Variants in LGALS8 observed in about 807,000 individuals in gnomAD.
The protein encoded by LGALS8 is galectin-8.
A neutral mutation model predicts 35.9 loss-of-function variants in LGALS8; 30 were observed. The observed-to-expected ratio is 0.83, with a 90% CI of 0.62 to 1.13. The LOEUF (loss-of-function observed/expected upper bound fraction) is 1.13. Among genes scored for constraint, LGALS8 ranks in the 50% most tolerant of loss-of-function variants. LGALS8 has a pLI of 0.00. For missense variants in LGALS8, 366 were observed against 388.7 expected (o/e 0.94, Z 0.49); for synonymous variants, 138 against 136.1 (o/e 1.01, Z -0.10).
chr1:236,541,974 G>A (rs1662028823), intron 6 of LGALS8, among the ~76,000 whole-genome samples: 1 of 152,160 alleles, frequency 6.6e-6, no homozygotes, highest in African/African-American at 2.4e-5. Flanking sequence ...GTACTGTTCT[G>A]GGGTATTTCC....
At chr1:236,533,982 G>A (rs140338278) in intron 2 of LGALS8, among the ~76,000 whole-genome samples, 3 of 98,074 alleles carry the variant, frequency 3.1e-5, no homozygotes, top group Admixed American at 1.0e-4. Flanking sequence ...GACCCCGGAT[G>A]TAGCTGCCTT....
rs1360455390 is a variant in LGALS8 at position 236,525,214 on chromosome 1, G to T, written c.-103-754G>T. Among the ~76,000 whole-genome samples the T allele has an allele frequency of 2.0e-5, 3 of 152,238 alleles. No homozygotes were observed. In the South Asian group the frequency reaches 6.2e-4, roughly 32 times the overall value. ...ATTTGTTTAAATTGGAGGAGGAAGAGCAATTCTTTCTATTCACAATAATAA... is the reference window on the plus strand; with the variant it reads ...ATTTGTTTAAATTGGAGGAGGAAGATCAATTCTTTCTATTCACAATAATAA... On this transcript the variant is annotated intron_variant, in intron 1 of 9. Transcript: ENST00000366584.
At position 236,551,376 on chromosome 1, in the gene LGALS8, A is replaced by C; in HGVS notation, c.*3215A>C. ...TTGCTCCACCACCCCTCCCTTAATA[A>C]TAACATTTACTGTTATTTCCTGGGC... On this transcript the variant is annotated 3_prime_UTR_variant, in exon 10 of 10. Transcript: ENST00000366584. 5.7e-6 allele frequency: 1 copy of C among 176,770 alleles called. No homozygotes were observed. Among genetic ancestry groups the C allele is most frequent in the East Asian group, 1.5e-4 (1 of 6,476 alleles). 11.0% of individuals were successfully genotyped at this position (176,770 alleles called of 1,614,324 possible).
Position 236,548,989 on chromosome 1 carries a change from G to T in LGALS8, c.*828G>T, listed in dbSNP as rs1288847439. On this transcript the variant is annotated 3_prime_UTR_variant, in exon 10 of 10. Transcript: ENST00000366584. Reference sequence around the variant, plus strand: ...CACAGACGCCTACAGAAAGTTTCAGGAAGAGGCAAGATGCATTCAATTTGA... The same window carrying T: ...CACAGACGCCTACAGAAAGTTTCAGTAAGAGGCAAGATGCATTCAATTTGA... 1 of 398,518 alleles carries T rather than the reference G, an allele frequency of 2.5e-6. No individual in the cohort carries two copies. Among genetic ancestry groups the T allele is most frequent in the Non-Finnish European group, 4.4e-6 (1 of 226,084 alleles). 24.7% of individuals were successfully genotyped at this position (398,518 alleles called of 1,614,324 possible).
chr1:236,541,182 GT>G (rs1423640615), intron 5 of LGALS8: 2 of 161,378 alleles, frequency 1.2e-5, no homozygotes, highest in African/African-American at 4.8e-5. Flanking sequence ...ATTTGGTACA[GT>G]GCCTGCTGTA....
chr1:236,533,891 G>A (rs1661293291), intron 2 of LGALS8, among the ~76,000 whole-genome samples: 1 of 152,120 alleles, frequency 6.6e-6, no homozygotes, highest in Admixed American at 6.5e-5. Flanking sequence ...CTCTACCAAT[G>A]CCACTGCTGT....
intron 9 of LGALS8, among the ~76,000 whole-genome samples, chr1:236,546,185 A>G (rs2794783): frequency 0.61 from 92,945 of 152,128 alleles, 29,296 homozygotes; most frequent in Non-Finnish European, 0.69. Context: ...CATTCCAGGC[A>G]TTTTTTTGCA....
chr1:236,552,049 T>C lies in LGALS8; in HGVS notation c.*3888T>C. On this transcript the variant is annotated 3_prime_UTR_variant, in exon 10 of 10. Coordinates refer to ENST00000366584, the MANE Select transcript of LGALS8 (RefSeq NM_201544.4). ...AATGGATTCTGGTAGCAAGACAATATAATTCTCCTTTAGTTTTTCAGCCAG... is the reference window on the plus strand; with the variant it reads ...AATGGATTCTGGTAGCAAGACAATACAATTCTCCTTTAGTTTTTCAGCCAG... The C allele has an allele frequency of 6.2e-7, 1 of 1,613,772 alleles. No individual in the cohort carries two copies. The highest frequency in any genetic ancestry group is 8.5e-7 in the Non-Finnish European group (1 of 1,179,814).
rs374445743 is a variant in LGALS8, at chr1:236,541,647, T to C, written c.466-7T>C. On this transcript the variant is annotated splice_polypyrimidine_tract_variant and splice_region_variant and intron_variant, in intron 5 of 9. Coordinates refer to ENST00000366584, the MANE Select transcript of LGALS8 (RefSeq NM_201544.4). Reference sequence around the variant, plus strand: ...GTTACAAATTAATCTTTATTATCTTTTCTCAGGACTTACAAAGTACCCAAG... The same window carrying C: ...GTTACAAATTAATCTTTATTATCTTCTCTCAGGACTTACAAAGTACCCAAG... The C allele has an allele frequency of 8.3e-6, 12 of 1,438,148 alleles. No homozygotes were observed. The African/African-American group carries it at 1.7e-4, about 21-fold the overall frequency. 89.1% of individuals were successfully genotyped at this position (1,438,148 alleles called of 1,614,324 possible).
At chr1:236,531,474 C>T (rs1661142566) in intron 2 of LGALS8, among the ~76,000 whole-genome samples, 1 of 152,098 alleles carries the variant, frequency 6.6e-6, no homozygotes, top group African/African-American at 2.4e-5. Context: ...CAGGCGCCCG[C>T]CACCCACGCC....
At chr1:236,528,401 C>CA (rs1660944971) in intron 2 of LGALS8, among the ~76,000 whole-genome samples, 4 of 141,824 alleles carry the variant, frequency 2.8e-5, no homozygotes, top group Non-Finnish European at 4.7e-5. Context: ...AAAACCCCCC[C>CA]ACACACAAAA....
At position 236,550,822 on chromosome 1, in the gene LGALS8, C is replaced by T; in HGVS notation, c.*2661C>T. On this transcript the variant is annotated 3_prime_UTR_variant, in exon 10 of 10. Transcript: ENST00000366584. ...AGGTGTATTAAGGCACCAAAAGTAACATGGCACCCAACACCCAAAAATAAA... is the reference window on the plus strand; with the variant it reads ...AGGTGTATTAAGGCACCAAAAGTAATATGGCACCCAACACCCAAAAATAAA... The T allele has an allele frequency of 9.2e-7, 1 of 1,083,040 alleles. No individual in the cohort carries two copies. Among genetic ancestry groups the T allele is most frequent in the South Asian group, 1.5e-5 (1 of 67,688 alleles). 67.1% of individuals were successfully genotyped at this position (1,083,040 alleles called of 1,614,324 possible). A position where few individuals can be genotyped will look rare whatever the true frequency, so the allele number is the denominator to read the frequency against.
In LGALS8 at chr1:236,551,125, A is replaced by ATTTTTT; in HGVS notation, c.*2964_*2965insTTTTTT. 1 of 705,756 alleles carries ATTTTTT rather than the reference A, an allele frequency of 1.4e-6. No homozygotes were observed. Among genetic ancestry groups the ATTTTTT allele is most frequent in the Admixed American group, 3.2e-5 (1 of 31,406 alleles). The allele number at this position is 705,756 out of a possible 1,614,324, so 43.7% of individuals were successfully genotyped here. A position where few individuals can be genotyped will look rare whatever the true frequency, so the allele number is the denominator to read the frequency against. ...AAAGAGTGAAATGAAGCACATTAAC[A>ATTTTTT]AAGCAGGAGGCGCCACGGACCGCCT... On this transcript the variant is annotated 3_prime_UTR_variant, in exon 10 of 10. Transcript: ENST00000366584.
intron 2 of LGALS8, chr1:236,536,192 T>C (rs1661490700): frequency 6.6e-6 from 1 of 152,176 alleles, no homozygotes; most frequent in Admixed American, 6.5e-5. Context: ...GCCCGTCTTA[T>C]TTTATTTCTT....
In LGALS8 at chr1:236,543,605, C is replaced by G. The variant is rs370852798; in HGVS notation, c.595C>G (p.Arg199Gly). The G allele has an allele frequency of 1.2e-6, 2 of 1,614,054 alleles. No individual in the cohort carries two copies. Among genetic ancestry groups the G allele is most frequent in the East Asian group, 4.5e-5 (2 of 44,874 alleles). The change falls in exon 8 of 10, where the codon CGA (arginine) becomes GGA (glycine). Residue 199 changes from arginine (R) to glycine (G), a missense_variant. Transcript: ENST00000366584. ...GTTGAACACCCCCATGGGCCCTGGA[C>G]GAACTGTCGTCGTTAAAGGAGAAGT... is the stretch of plus-strand genomic sequence containing the variant. ...ARLNTPMGPG[R>G]TVVVKGEVNA...
chr1:236,521,218 G>A (rs1660540402), upstream of LGALS8, among the ~76,000 whole-genome samples: 1 of 152,222 alleles, frequency 6.6e-6, no homozygotes, highest in Non-Finnish European at 1.5e-5. Flanking sequence ...CAGAAATAAA[G>A]CAAGGAAGAG....
At chr1:236,530,810 A>G (rs975090628) in intron 2 of LGALS8, among the ~76,000 whole-genome samples, 1 of 152,256 alleles carries the variant, frequency 6.6e-6, no homozygotes, top group African/African-American at 2.4e-5. Flanking sequence ...TAAAGATAAT[A>G]TGTGCAAATC....
chr1:236,537,577 C>T lies in LGALS8; in HGVS notation c.126C>T (p.Asp42=), dbSNP rs767712880. The T allele has an allele frequency of 2.8e-5, 44 of 1,597,764 alleles. No homozygotes were observed. The Middle Eastern group carries it at 9.9e-4, about 36-fold the overall frequency. The change falls in exon 3 of 10, where the codon GAC becomes GAT. Residue 42 remains aspartate, a synonymous_variant. Transcript: ENST00000366584. ...TGATACGTGGGCATGTTCCTAGTGA[C>T]GCAGACAGGTAAAATCACTGTGCTA... The part of the protein sequence containing the change: ...LIVIRGHVPS[D]ADRFQVDLQN...
chr1:236,531,467 G>A (rs1304521646), intron 2 of LGALS8, among the ~76,000 whole-genome samples: 1 of 152,100 alleles, frequency 6.6e-6, no homozygotes, highest in Non-Finnish European at 1.5e-5. Context: ...GGGACTACAG[G>A]CGCCCGCCAC....
Sources: gnomAD v4.1 joint callset for allele counts (sites outside exome capture counted in the v4.1 genomes callset) on GRCh38, gnomAD v4.1.1 for gene constraint, MANE v1.5 for transcripts, NCBI Gene and HGNC (gene_info 2026-07-23, HGNC 2026-07-21) for gene names.